Variants in BRINP3 observed in about 807,000 individuals in gnomAD.
BRINP3 encodes BMP/retinoic acid-inducible neural-specific protein 3.
A neutral mutation model predicts 71.0 loss-of-function variants in BRINP3; 19 were observed. The observed-to-expected ratio is 0.27, with a 90% CI of 0.19 to 0.39. The LOEUF (loss-of-function observed/expected upper bound fraction) is 0.39. Ranked by LOEUF, BRINP3 falls within the 10% of genes least tolerant of loss-of-function variation. BRINP3 has a pLI of 1.00. For missense variants in BRINP3, 959 were observed against 940.8 expected, an observed-to-expected ratio of 1.02 and a Z score of -0.25; for synonymous variants, 380 against 337.7, an observed-to-expected ratio of 1.13 and a Z score of -1.37.
chr1:190,181,842 C>A (rs1653056968), intron 6 of BRINP3, among the ~76,000 whole-genome samples: 1 of 151,722 alleles, frequency 6.6e-6, no homozygotes. Flanking sequence ...TTTTTTTAAC[C>A]TTCTGTTATT....
chr1:190,447,576 G>A (rs1220616790), intron 2 of BRINP3, among the ~76,000 whole-genome samples: 2 of 146,624 alleles, frequency 1.4e-5, no homozygotes, highest in Middle Eastern at 3.6e-3. Flanking sequence ...ACACACACAC[G>A]TTTTGCAGTC....
At chr1:190,179,644 T>G (rs1652854010) in intron 6 of BRINP3, among the ~76,000 whole-genome samples, 1 of 152,168 alleles carries the variant, frequency 6.6e-6, no homozygotes, top group South Asian at 2.1e-4. Context: ...TAATTAAAAT[T>G]CTCCAAGGAG....
intron 7 of BRINP3, among the ~76,000 whole-genome samples, chr1:190,122,637 A>T (rs931542202): frequency 6.6e-6 from 1 of 152,074 alleles, no homozygotes; most frequent in African/African-American, 2.4e-5. Flanking sequence ...TTAAATGACC[A>T]GTTAATGGGT....
intron 7 of BRINP3, among the ~76,000 whole-genome samples, chr1:190,131,379 G>A (rs551838190): frequency 5.9e-5 from 9 of 151,976 alleles, no homozygotes; most frequent in African/African-American, 2.2e-4. Flanking sequence ...TAATAATAAC[G>A]ATAACCATTT....
At chr1:190,302,428 AG>A (rs1664802315) in intron 2 of BRINP3, among the ~76,000 whole-genome samples, 1 of 151,548 alleles carries the variant, frequency 6.6e-6, no homozygotes, top group African/African-American at 2.4e-5. Context: ...TTTAGTTAAT[AG>A]TAAATACAAT....
At chr1:190,411,928 G>A (rs1386032531) in intron 2 of BRINP3, among the ~76,000 whole-genome samples, 1 of 152,100 alleles carries the variant, frequency 6.6e-6, no homozygotes, top group Non-Finnish European at 1.5e-5. Context: ...AGTGGAGCTA[G>A]GAAAAAAATC....
rs1053931935 is a variant in BRINP3, at chr1:190,114,664, C to T, written c.1185-15530G>A. Among the ~76,000 whole-genome samples the T allele has an allele frequency of 7.9e-5, 12 of 152,066 alleles. 1 individual carries two copies. In the South Asian group the frequency reaches 1.2e-3, roughly 16 times the overall value. The stretch of plus-strand genomic sequence containing the variant: ...GCTCAAATCACAGTCCTTCAATCAT[C>T]TCATTTAGTACACAAATGGGAATCC... On this transcript the variant is annotated intron_variant, in intron 7 of 7. Transcript: ENST00000367462.
rs1305074466 is a variant in BRINP3 at position 190,412,121 on chromosome 1, A to G, written c.236+42534T>C. On this transcript the variant is annotated intron_variant, in intron 2 of 7. Coordinates refer to ENST00000367462, the MANE Select transcript of BRINP3 (RefSeq NM_199051.3). ...CACTGACAAGCTTCCTAACTTTGCA[A>G]TACCTAAAATAGCAGAACTCAATAA... 3.9e-5 allele frequency among the ~76,000 whole-genome samples: 6 copies of G among 151,988 alleles called. No homozygotes were observed. The East Asian group carries it at 1.2e-3, about 29-fold the overall frequency.
At chr1:190,450,783 G>T (rs1675553829) in intron 2 of BRINP3, among the ~76,000 whole-genome samples, 1 of 151,922 alleles carries the variant, frequency 6.6e-6, no homozygotes, top group South Asian at 2.1e-4. Context: ...TATGAAGAAA[G>T]GATTAAATTT....
At chr1:190,340,978 G>T (rs769034258) in intron 2 of BRINP3, among the ~76,000 whole-genome samples, 1 of 151,714 alleles carries the variant, frequency 6.6e-6, no homozygotes, top group Non-Finnish European at 1.5e-5. Flanking sequence ...AAAATTTTCT[G>T]CTCTTGTGCA....
intron 7 of BRINP3, among the ~76,000 whole-genome samples, chr1:190,114,677 C>A (rs10800896): frequency 6.6e-6 from 1 of 151,566 alleles, no homozygotes; most frequent in East Asian, 1.9e-4. Flanking sequence ...ATTTAGTACA[C>A]AAATGGGAAT....
At chr1:190,415,034 A>G (rs1291749095) in intron 2 of BRINP3, among the ~76,000 whole-genome samples, 1 of 152,202 alleles carries the variant, frequency 6.6e-6, no homozygotes, top group African/African-American at 2.4e-5. Context: ...AATGTATTCA[A>G]TTTGATTTAT....
chr1:190,296,165 A>G (rs555444332), intron 2 of BRINP3, among the ~76,000 whole-genome samples: 1 of 151,734 alleles, frequency 6.6e-6, no homozygotes, highest in South Asian at 2.1e-4. Flanking sequence ...TTATTCTTGA[A>G]GTTTTACAGT....
intron 7 of BRINP3, among the ~76,000 whole-genome samples, chr1:190,103,893 T>A (rs1047560068): frequency 6.6e-6 from 1 of 151,822 alleles, no homozygotes; most frequent in African/African-American, 2.4e-5. Flanking sequence ...ACATCTCTCA[T>A]TCTGGGGCCA....
At chr1:190,242,459 T>C (rs1042210673) in intron 4 of BRINP3, among the ~76,000 whole-genome samples, 7 of 152,116 alleles carry the variant, frequency 4.6e-5, no homozygotes, top group African/African-American at 1.7e-4. Context: ...TCATCCAGGA[T>C]GACTCACATC....
chr1:190,370,430 A>C (rs1669784769), intron 2 of BRINP3, among the ~76,000 whole-genome samples: 1 of 152,208 alleles, frequency 6.6e-6, no homozygotes, highest in Non-Finnish European at 1.5e-5. Context: ...AGATGATATA[A>C]TTCTCAACAA....
At chr1:190,404,951 G>T (rs1672164913) in intron 2 of BRINP3, among the ~76,000 whole-genome samples, 1 of 151,978 alleles carries the variant, frequency 6.6e-6, no homozygotes, top group African/African-American at 2.4e-5. Context: ...CTCTGTAAAG[G>T]CTGTTAAAAG....
chr1:190,100,175 T>C (rs1366244072), intron 7 of BRINP3, among the ~76,000 whole-genome samples: 1 of 152,204 alleles, frequency 6.6e-6, no homozygotes, highest in Non-Finnish European at 1.5e-5. Flanking sequence ...ACTTAGAATA[T>C]TGCAAAGTGT....
intron 2 of BRINP3, among the ~76,000 whole-genome samples, chr1:190,444,095 T>C (rs890970082): frequency 6.6e-6 from 1 of 151,392 alleles, no homozygotes; most frequent in Middle Eastern, 3.4e-3. Flanking sequence ...AGCTGGGGGG[T>C]GGTGGCCCAT....
Sources: allele counts gnomAD v4.1 joint callset (sites outside exome capture counted in the v4.1 genomes callset), GRCh38; gene constraint gnomAD v4.1.1; transcripts MANE v1.5; gene names NCBI Gene and HGNC (gene_info 2026-07-23, HGNC 2026-07-21).